COPZ2: variants seen among roughly 807,000 people sequenced by gnomAD.
COPZ2 encodes coat protein complex I subunit zeta 2.
Under a neutral mutation model 33.2 loss-of-function variants are expected in COPZ2, and 30 were observed. That is an observed-to-expected ratio of 0.90 (90% CI 0.68 to 1.23). The LOEUF (loss-of-function observed/expected upper bound fraction) is 1.23. COPZ2 is among the 50% of genes most tolerant of loss of function. The probability of loss-of-function intolerance (pLI) is 0.00; values close to 1 mark genes in which losing one functional copy is unlikely to be tolerated. For synonymous variants in COPZ2, 89 were observed against 102.6 expected, an observed-to-expected ratio of 0.87 and a Z score of 0.80; for missense variants, 263 against 262.4, an observed-to-expected ratio of 1.00 and a Z score of -0.02.
intron 6 of COPZ2, 185 bp downstream of exon 6, chr17:48,031,971 C>G (rs935488941): frequency 1.6e-6 from 1 of 611,498 alleles, no homozygotes; most frequent in African/African-American, 1.8e-5. Context: ...ACATTGAAAT[C>G]AACTTCTATC....
chr17:48,026,298 G>A lies in COPZ2; in HGVS notation c.*130C>T. The A allele has an allele frequency of 1.5e-6, 1 of 687,052 alleles. No homozygotes were observed. The highest frequency in any genetic ancestry group is 1.9e-5 in the South Asian group (1 of 53,824). The allele number at this position is 687,052 out of a possible 1,614,324, so 42.6% of individuals were successfully genotyped here. A position where few individuals can be genotyped will look rare whatever the true frequency, so the allele number is the denominator to read the frequency against. ...CTTTGCATCTCAGAAGCCCTGGCTGGAGACCTTAGGAGTCAGTTCTGGGAG... is the reference window on the plus strand; with the variant it reads ...CTTTGCATCTCAGAAGCCCTGGCTGAAGACCTTAGGAGTCAGTTCTGGGAG... On this transcript the variant is annotated 3_prime_UTR_variant, in exon 9 of 9. Transcript: ENST00000621465.
At chr17:48,048,044 G>A in the COPZ2 span, 1 of 152,474 alleles carries the variant, frequency 6.6e-6, no homozygotes, top group South Asian at 2.1e-4. Flanking sequence ...CAACGCCCAA[G>A]CCCACTAACA....
At chr17:48,035,557 G>A (rs563062572) in intron 2 of COPZ2, among the ~76,000 whole-genome samples, 26 of 151,954 alleles carry the variant, frequency 1.7e-4, no homozygotes, top group Admixed American at 1.2e-3. Flanking sequence ...CACCACGCCC[G>A]GCTAATTTTC....
At chr17:48,029,328 C>G (rs970401693) in intron 6 of COPZ2, 152 bp from the exon 7 acceptor site, 1 of 723,340 alleles carries the variant, frequency 1.4e-6, no homozygotes, top group Non-Finnish European at 2.4e-6. Flanking sequence ...CAAGTCAGAA[C>G]TCTCCCTCAG....
the COPZ2 span, chr17:48,045,189 GC>G: frequency 2.0e-5 from 3 of 152,086 alleles, no homozygotes; most frequent in African/African-American, 7.2e-5. Context: ...CAAACTCCTG[GC>G]TCAAGTGATC....
In COPZ2 at chr17:48,037,653, C is replaced by T; in HGVS notation, c.111+14G>A. ...TCCCGCCGCCCGGGATCCCCGCGCC[C>T]GCCCGCTCCGTACCCGCAGCCCCGA... On this transcript the variant is annotated intron_variant, in intron 1 of 8. Transcript: ENST00000621465. The surrounding 1 kb of genome is among the most constrained non-coding windows in gnomAD (Gnocchi z 5.6). 1 of 1,091,416 alleles carries T rather than the reference C, an allele frequency of 9.2e-7. No homozygotes were observed. The highest frequency in any genetic ancestry group is 1.1e-6 in the Non-Finnish European group (1 of 898,862). The allele number at this position is 1,091,416 out of a possible 1,614,324, so 67.6% of individuals were successfully genotyped here. A position where few individuals can be genotyped will look rare whatever the true frequency, so the allele number is the denominator to read the frequency against.
chr17:48,038,237 G>C (rs1479911046), upstream of COPZ2, among the ~76,000 whole-genome samples: 1 of 152,144 alleles, frequency 6.6e-6, no homozygotes, highest in Non-Finnish European at 1.5e-5. Flanking sequence ...GAGCAAATGA[G>C]GACAGTTCTG....
At chr17:48,030,289 AAC>A (rs71935471) in intron 6 of COPZ2, among the ~76,000 whole-genome samples, 8,644 of 128,252 alleles carry the variant, frequency 0.067, 449 homozygotes, top group African/African-American at 0.15. Flanking sequence ...TCCATCTCAA[AAC>A]ACACACACAC....
the COPZ2 span, among the ~76,000 whole-genome samples, chr17:48,044,373 T>G: frequency 8.8e-4 from 133 of 150,778 alleles, no homozygotes; most frequent in African/African-American, 3.2e-3. Context: ...ATCATTCTAG[T>G]CTGTGTTCCC....
At chr17:48,030,881 A>G (rs2036885196) in intron 6 of COPZ2, among the ~76,000 whole-genome samples, 1 of 152,150 alleles carries the variant, frequency 6.6e-6, no homozygotes, top group Non-Finnish European at 1.5e-5. Context: ...GGGTTCACCA[A>G]ATTGTATATG....
At chr17:48,034,199 C>T (rs975645554) in intron 2 of COPZ2, among the ~76,000 whole-genome samples, 4 of 152,240 alleles carry the variant, frequency 2.6e-5, no homozygotes, top group African/African-American at 9.6e-5. Flanking sequence ...ACCTCCACCT[C>T]CCGGGTTCAA....
chr17:48,032,634 A>T, intron 5 of COPZ2, 52 bp downstream of exon 5: 1 of 1,386,564 alleles, frequency 7.2e-7, no homozygotes, highest in Non-Finnish European at 1.0e-6. Flanking sequence ...GGGTCCTGTG[A>T]CATATCAGGG....
the COPZ2 span, chr17:48,046,043 C>T: frequency 6.6e-6 from 1 of 152,360 alleles, no homozygotes; most frequent in East Asian, 1.9e-4. Flanking sequence ...CCTGCCAGGC[C>T]TAGGCCTGCT....
Position 48,028,102 on chromosome 17 carries a change from C to T in COPZ2, c.585+370G>A, listed in dbSNP as rs904611851. ...CCAAACTCCTATTTGGTACCCTTTC[C>T]AGGTTTCGGTAGAGGGCGCATCAGA... On this transcript the variant is annotated intron_variant, in intron 8 of 8. Coordinates refer to ENST00000621465, the MANE Select transcript of COPZ2 (RefSeq NM_016429.4). This position sits in a 1 kb window ranked among gnomAD's most constrained non-coding sequence, Gnocchi z 4.5. Among the ~76,000 whole-genome samples, 1 of 152,124 alleles carries T rather than the reference C, an allele frequency of 6.6e-6. No homozygotes were observed. The highest frequency in any genetic ancestry group is 1.5e-5 in the Non-Finnish European group (1 of 68,022).
At chr17:48,036,323 G>T in intron 2 of COPZ2, among the ~76,000 whole-genome samples, 1 of 152,160 alleles carries the variant, frequency 6.6e-6, no homozygotes, top group Non-Finnish European at 1.5e-5. Flanking sequence ...GATCTGTTAG[G>T]ATATTAATAC....
chr17:48,040,260 G>T (rs2037049332), upstream of COPZ2, among the ~76,000 whole-genome samples: 1 of 151,450 alleles, frequency 6.6e-6, no homozygotes, highest in Non-Finnish European at 1.5e-5. Context: ...TTTTTTAAAG[G>T]CAGGGTCTTG....
In COPZ2 at chr17:48,028,723, G is replaced by A. The variant is rs991834311; in HGVS notation, c.547-213C>T. Among the ~76,000 whole-genome samples the A allele has an allele frequency of 3.3e-5, 5 of 152,078 alleles. No individual in the cohort carries two copies. Among genetic ancestry groups the A allele is most frequent in the African/African-American group, 1.2e-4 (5 of 41,420 alleles). On this transcript the variant is annotated intron_variant, in intron 7 of 8. Coordinates refer to ENST00000621465, the MANE Select transcript of COPZ2 (RefSeq NM_016429.4). This position sits in a 1 kb window ranked among gnomAD's most constrained non-coding sequence, Gnocchi z 4.5. ...TTGTGCTATGGTGCGTGGAGGGTGA[G>A]GGAAGATGGGAAGAAAGATGGGAAG...
rs2036849703 is a variant in COPZ2 at position 48,028,663 on chromosome 17, T to G, written c.547-153A>C. 1 of 669,338 alleles carries G rather than the reference T, an allele frequency of 1.5e-6. No homozygotes were observed. Among genetic ancestry groups the G allele is most frequent in the Non-Finnish European group, 2.5e-6 (1 of 394,674 alleles). 41.5% of individuals were successfully genotyped at this position (669,338 alleles called of 1,614,324 possible). ...CTGTGTCACTGGTTAATAGAAGTCCTGCAGCCTGTCATTTGGAAGCCAGGA... is the reference window on the plus strand; with the variant it reads ...CTGTGTCACTGGTTAATAGAAGTCCGGCAGCCTGTCATTTGGAAGCCAGGA... On this transcript the variant is annotated intron_variant, in intron 7 of 8. Coordinates refer to ENST00000621465, the MANE Select transcript of COPZ2 (RefSeq NM_016429.4). This position sits in a 1 kb window ranked among gnomAD's most constrained non-coding sequence, Gnocchi z 4.5.
chr17:48,041,487 A>G (rs866326936), upstream of COPZ2, among the ~76,000 whole-genome samples: 6 of 152,266 alleles, frequency 3.9e-5, no homozygotes, highest in Middle Eastern at 3.4e-3. Context: ...AACCTTTAAC[A>G]AGGTGACATT....
Sources: allele counts gnomAD v4.1 joint callset (sites outside exome capture counted in the v4.1 genomes callset), GRCh38; gene constraint gnomAD v4.1.1; non-coding constraint Gnocchi (gnomAD v3.1); transcripts MANE v1.5; gene names NCBI Gene and HGNC (gene_info 2026-07-23, HGNC 2026-07-21).